The following OTUD6B variants were observed in gnomAD, a reference collection of about 807,000 sequenced individuals.
The protein encoded by OTUD6B is deubiquitinase OTUD6B.
Under a neutral mutation model 36.9 loss-of-function variants are expected in OTUD6B, and 41 were observed. The ratio of observed to expected loss-of-function variants is 1.11; its 90% CI spans 0.87 to 1.44. The LOEUF (loss-of-function observed/expected upper bound fraction) is 1.44, where lower values mean the gene tolerates loss of function less well. OTUD6B is among the 40% of genes most tolerant of loss of function. The pLI is 0.00. For missense variants in OTUD6B, 356 were observed against 344.8 expected (o/e 1.03, Z -0.26); for synonymous variants, 114 against 114.2 (o/e 1.00, Z 0.01).
chr8:91,071,302 A>G lies in OTUD6B; in HGVS notation c.234+13A>G. 6.2e-7 allele frequency: 1 copy of G among 1,600,396 alleles called. No individual in the cohort carries two copies. Among genetic ancestry groups the G allele is most frequent in the South Asian group, 1.1e-5 (1 of 88,872 alleles). On this transcript the variant is annotated intron_variant, in intron 2 of 6. Coordinates refer to ENST00000404789, the MANE Select transcript of OTUD6B (RefSeq NM_016023.5). The stretch of plus-strand genomic sequence containing the variant: ...TAAGGAGAATAAGGTATGTGAAATA[A>G]ATGTTTGTCGTTGCCTACACCATTT...
chr8:91,076,864 T>G, intron 3 of OTUD6B: 1 of 644,126 alleles, frequency 1.6e-6, no homozygotes, highest in Non-Finnish European at 2.8e-6. Context: ...TTGTTCCTAT[T>G]ACTTATACAA....
chr8:91,084,162 A>G (rs1812963545), intron 6 of OTUD6B, 48 bp downstream of exon 6: 2 of 1,095,136 alleles, frequency 1.8e-6, no homozygotes, highest in South Asian at 1.6e-5. Context: ...AATTAATACA[A>G]AAAGGAATAT....
At chr8:91,073,575 A>G (rs1812744983) in intron 2 of OTUD6B, 1 of 162,240 alleles carries the variant, frequency 6.2e-6, no homozygotes, top group Non-Finnish European at 1.3e-5. Context: ...CAGGAAGTAC[A>G]GTACTGCATT....
At chr8:91,083,308 C>T (rs1190892622) in intron 5 of OTUD6B, among the ~76,000 whole-genome samples, 3 of 152,120 alleles carry the variant, frequency 2.0e-5, no homozygotes, top group Non-Finnish European at 2.9e-5. Context: ...TTTATTTGGT[C>T]CGGTGCTTGA....
intron 3 of OTUD6B, chr8:91,076,477 TATTTTAGAGGCTTAA>T (rs1812804850): frequency 6.7e-7 from 1 of 1,488,020 alleles, no homozygotes; most frequent in Non-Finnish European, 8.9e-7. Context: ...TTAGAATTAG[TATTTTAGAGGCTTAA>T]ACAGTTTTGC....
chr8:91,078,657 T>C lies in OTUD6B; in HGVS notation c.617T>C (p.Met206Thr), dbSNP rs763263537. The part of the protein sequence containing the change: ...PFLTNPNTGD[M>T]YTPEEFQKYC... ...TTAACAAACCCTAATACAGGAGATA[T>C]GTATACTCCAGGTAATTTATTTTTC... is the stretch of plus-strand genomic sequence containing the variant. The change falls in exon 4 of 7, where the codon ATG (methionine) becomes ACG (threonine). Residue 206 changes from methionine (M) to threonine (T), a missense_variant. By Grantham distance (81) the Met-to-Thr change is moderately conservative. Transcript: ENST00000404789. 1.9e-6 allele frequency: 3 copies of C among 1,552,250 alleles called. No individual in the cohort carries two copies. Among genetic ancestry groups the C allele is most frequent in the Non-Finnish European group, 2.6e-6 (3 of 1,145,122 alleles).
Position 91,070,388 on chromosome 8 carries a change from G to T in OTUD6B, c.4G>T (p.Glu2Ter). M[E>*]AVLTEELDEE... ...TGTGCTGGGGTACCTGGTCGTCATG[G>T]AGGCGGTATTGACCGAAGAGCTTGA... The change falls in exon 1 of 7, where the codon GAG becomes TAG. Residue 2 changes from glutamate (E) to a stop codon, truncating the protein, a stop_gained. Coordinates refer to ENST00000404789, the MANE Select transcript of OTUD6B (RefSeq NM_016023.5). LOFTEE classifies it high-confidence loss of function. 6.2e-7 allele frequency: 1 copy of T among 1,609,530 alleles called. No homozygotes were observed. Among genetic ancestry groups the T allele is most frequent in the South Asian group, 1.1e-5 (1 of 90,042 alleles).
At chr8:91,083,434 AT>A (rs1194073931) in intron 5 of OTUD6B, among the ~76,000 whole-genome samples, 18 of 152,080 alleles carry the variant, frequency 1.2e-4, no homozygotes, top group Non-Finnish European at 2.5e-4. Context: ...TGGCATTGAT[AT>A]TTTTTACAAA....
intron 1 of OTUD6B, 37 bp downstream of exon 1, chr8:91,070,503 C>A: frequency 1.3e-6 from 2 of 1,547,642 alleles, no homozygotes; most frequent in Non-Finnish European, 1.7e-6. Context: ...GAAGCCGCCG[C>A]GACTGGGGGA....
intron 6 of OTUD6B, 45 bp downstream of exon 6, chr8:91,084,159 A>G (rs76401693): frequency 4.5e-6 from 5 of 1,118,172 alleles, no homozygotes; most frequent in Non-Finnish European, 5.1e-6. Context: ...CACAATTAAT[A>G]CAAAAAGGAA....
Position 91,071,150 on chromosome 8 carries a change from G to T in OTUD6B, c.95G>T (p.Gly32Val). ...AATGGCTTTTCAGCCAAAATTCAGG[G>T]CATGAAGAATGCTGTTCCCAAGAAT... The part of the protein sequence containing the change: ...EKKELQAKIQ[G>V]MKNAVPKNDK... Residue 32 changes from glycine to valine, a missense_variant, in exon 2 of 7, where the codon GGC becomes GTC. Physicochemically the swap from Gly to Val is moderately radical, Grantham distance 109 (BLOSUM62 -3). Transcript: ENST00000404789. 1 of 1,612,856 alleles carries T rather than the reference G, an allele frequency of 6.2e-7. No homozygotes were observed. The highest frequency in any genetic ancestry group is 8.5e-7 in the Non-Finnish European group (1 of 1,179,606).
intron 5 of OTUD6B, among the ~76,000 whole-genome samples, chr8:91,082,301 G>T (rs1429196057): frequency 6.6e-6 from 1 of 152,086 alleles, no homozygotes; most frequent in Non-Finnish European, 1.5e-5. Flanking sequence ...TCAGGAAGGA[G>T]TATGTTCATC....
intron 3 of OTUD6B, chr8:91,076,745 C>T (rs1812810049): frequency 1.2e-6 from 1 of 860,380 alleles, no homozygotes; most frequent in Non-Finnish European, 1.9e-6. Flanking sequence ...CTTATTCTTC[C>T]TTTCCCCTCT....
intron 3 of OTUD6B, among the ~76,000 whole-genome samples, chr8:91,074,268 T>C (rs1009543357): frequency 2.0e-5 from 3 of 152,048 alleles, no homozygotes; most frequent in African/African-American, 7.2e-5. Context: ...TACAAATATA[T>C]TATCCCAGAC....
rs1298518220 is a variant in OTUD6B at position 91,078,343 on chromosome 8, C to A, written c.316-13C>A. ...TATTATGAATTAACTTTCATGCATTCTGCTTTTCTTAGGAAAAGAAAGCTG... is the reference window on the plus strand; with the variant it reads ...TATTATGAATTAACTTTCATGCATTATGCTTTTCTTAGGAAAAGAAAGCTG... On this transcript the variant is annotated splice_polypyrimidine_tract_variant and intron_variant, in intron 3 of 6. Transcript: ENST00000404789. The A allele has an allele frequency of 1.3e-6, 2 of 1,541,916 alleles. No homozygotes were observed. Among genetic ancestry groups the A allele is most frequent in the Non-Finnish European group, 1.7e-6 (2 of 1,145,208 alleles).
At chr8:91,074,381 G>A (rs1812763312) in intron 3 of OTUD6B, among the ~76,000 whole-genome samples, 1 of 151,986 alleles carries the variant, frequency 6.6e-6, no homozygotes, top group Admixed American at 6.5e-5. Flanking sequence ...AAGTTAACAT[G>A]TGTAGGTATA....
intron 4 of OTUD6B, among the ~76,000 whole-genome samples, chr8:91,079,659 C>T (rs1812862771): frequency 6.6e-6 from 1 of 152,126 alleles, no homozygotes. Flanking sequence ...ACACATTTTT[C>T]CATATATTTT....
At chr8:91,072,222 AT>A (rs1748657680) in intron 2 of OTUD6B, among the ~76,000 whole-genome samples, 1 of 152,264 alleles carries the variant, frequency 6.6e-6, no homozygotes, top group African/African-American at 2.4e-5. Flanking sequence ...GGTATTACCT[AT>A]GAAGTAAGTA....
chr8:91,075,511 A>G (rs976715131), intron 3 of OTUD6B, among the ~76,000 whole-genome samples: 1 of 152,008 alleles, frequency 6.6e-6, no homozygotes, highest in Admixed American at 6.6e-5. Flanking sequence ...AACAAAACAA[A>G]CAAAACGAAA....
Sources: gnomAD v4.1 joint callset for allele counts (sites outside exome capture counted in the v4.1 genomes callset) on GRCh38, gnomAD v4.1.1 for gene constraint, MANE v1.5 for transcripts, NCBI Gene and HGNC (gene_info 2026-07-23, HGNC 2026-07-21) for gene names.